The following ZNF177 variants were observed in gnomAD, a reference collection of about 807,000 sequenced individuals.
ZNF177 encodes zinc finger protein 177.
A neutral mutation model predicts 19.4 loss-of-function variants in ZNF177; 17 were observed. That is an observed-to-expected ratio of 0.87 (90% CI 0.60 to 1.31). The LOEUF (loss-of-function observed/expected upper bound fraction) is 1.31. ZNF177 is among the 40% of genes most tolerant of loss of function. The pLI, the probability that ZNF177 is intolerant of heterozygous loss-of-function variation, is 0.00. For synonymous variants in ZNF177, 220 were observed against 188.7 expected (o/e 1.17, Z -1.36); for missense variants, 633 against 561.8 (o/e 1.13, Z -1.28).
intron 2 of ZNF177, among the ~76,000 whole-genome samples, 173 bp from the exon 5 acceptor site, chr19:9,378,787 AAG>A (rs1395255221): frequency 6.6e-6 from 1 of 152,174 alleles, no homozygotes; most frequent in East Asian, 1.9e-4. Context: ...GTAGGATTTA[AAG>A]AGAGTTCTGA....
At chr19:9,381,741 C>G (rs768709458) in exon 6 of ZNF177, 1 of 1,606,798 alleles carries the variant, frequency 6.2e-7, no homozygotes, top group Admixed American at 1.7e-5. Flanking sequence ...TTATAATGCA[C>G]AAGCGAATCC....
intron 1 of ZNF177, among the ~76,000 whole-genome samples, chr19:9,364,527 G>GA (rs944541831): frequency 3.3e-5 from 5 of 152,110 alleles, no homozygotes; most frequent in Non-Finnish European, 7.4e-5. Flanking sequence ...GGGGAACAGG[G>GA]AGCTCTTCAG....
At chr19:9,378,767 G>A (rs1254467767) in intron 2 of ZNF177, 195 bp from the exon 5 acceptor site, 1 of 835,362 alleles carries the variant, frequency 1.2e-6, no homozygotes, top group Non-Finnish European at 1.7e-6. Context: ...TGAATGAGAT[G>A]GCCCAGGGAG....
chr19:9,366,261 G>A (rs528215615), intron 2 of ZNF177, among the ~76,000 whole-genome samples: 51 of 152,184 alleles, frequency 3.4e-4, no homozygotes, highest in South Asian at 8.3e-4. Context: ...GACTACAGGC[G>A]TGAGCCACCG....
intron 3 of ZNF177, 31 bp downstream of exon 5, chr19:9,379,119 A>C: frequency 1.3e-6 from 2 of 1,575,864 alleles, no homozygotes; most frequent in Non-Finnish European, 1.7e-6. Flanking sequence ...TCATTTGTTT[A>C]TGTAGCAAAT....
chr19:9,379,478 A>G, intron 3 of ZNF177, 49 bp from the exon 6 acceptor site: 2 of 1,585,888 alleles, frequency 1.3e-6, no homozygotes, highest in South Asian at 2.3e-5. Context: ...TTTGTGGAAT[A>G]TTTAATTCTC....
At chr19:9,382,212 C>T (rs2068213774), downstream of ZNF177, 2 of 405,040 alleles carry the variant, frequency 4.9e-6, no homozygotes, top group Non-Finnish European at 8.7e-6. Context: ...GGACAGTTTT[C>T]ACCCAGCTTC....
Position 9,379,030 on chromosome 19 carries a change from T to A in ZNF177, c.102T>A (p.Ala34=), listed in dbSNP as rs759517422. The A allele has an allele frequency of 2.5e-6, 4 of 1,611,088 alleles. No homozygotes were observed. The Admixed American group carries it at 5.0e-5, about 20-fold the overall frequency. ...AGGAGTGGGCATTGCTGGACCCTGC[T>A]CAAAAAAATCTATACAAAGATGTGA... Residue 34 remains alanine, a synonymous_variant, in exon 3 of 6, where the codon GCT becomes GCA. Coordinates refer to ENST00000589262, the Ensembl canonical transcript of ZNF177.
chr19:9,377,606 C>T (rs1355915021), intron 1 of ZNF177, among the ~76,000 whole-genome samples: 4 of 152,014 alleles, frequency 2.6e-5, no homozygotes, highest in Admixed American at 6.6e-5. Context: ...AAAGTAAAAT[C>T]GGGCAGGCAA....
chr19:9,381,227 T>C (rs1217259309), exon 6 of ZNF177: 8 of 1,614,044 alleles, frequency 5.0e-6, no homozygotes, highest in Admixed American at 1.7e-5. Flanking sequence ...CAGTCTTCCC[T>C]TAAGAAACAC....
At chr19:9,381,964 T>G (rs2039293493) in exon 6 of ZNF177, 1 of 858,836 alleles carries the variant, frequency 1.2e-6, no homozygotes, top group South Asian at 2.2e-5. Context: ...TATTTCATTC[T>G]TATATGTGTC....
upstream of ZNF177, among the ~76,000 whole-genome samples, chr19:9,373,297 G>A (rs1043501562): frequency 2.0e-5 from 3 of 152,102 alleles, no homozygotes; most frequent in Non-Finnish European, 4.4e-5. Context: ...TCTTTTTTAA[G>A]ACTGAATAAC....
exon 4 of ZNF177, chr19:9,379,530 A>G (rs2068159451): frequency 6.2e-7 from 1 of 1,613,494 alleles, no homozygotes; most frequent in Non-Finnish European, 8.5e-7. Context: ...TGAGCAGGGT[A>G]TCAGCTCTGC....
At chr19:9,377,675 G>A (rs891972326) in intron 1 of ZNF177, among the ~76,000 whole-genome samples, 8 of 137,772 alleles carry the variant, frequency 5.8e-5, no homozygotes, top group African/African-American at 2.3e-4. Flanking sequence ...TCTGCTATAA[G>A]ATTTGCAGCA....
chr19:9,378,306 G>A (rs1371536052), exon 2 of ZNF177: 1 of 1,613,656 alleles, frequency 6.2e-7, no homozygotes, highest in Non-Finnish European at 8.5e-7. Context: ...ACCTACAGGA[G>A]GAAGAATGGC....
chr19:9,380,751 A>T, exon 6 of ZNF177: 1 of 1,536,136 alleles, frequency 6.5e-7, no homozygotes, highest in Non-Finnish European at 8.7e-7. Flanking sequence ...TTTGTACAAG[A>T]TATTGCAAGG....
rs548446770 is a variant in ZNF177, at chr19:9,380,776, A to T, written c.445A>T (p.Lys149Ter). The T allele has an allele frequency of 4.4e-5, 68 of 1,536,142 alleles. No individual in the cohort carries two copies. Among genetic ancestry groups the T allele is most frequent in the Admixed American group, 2.7e-4 (14 of 51,008 alleles). The change falls in exon 6 of 6, where the codon AAA (lysine) becomes TAA (stop). Residue 149 changes from lysine to a stop codon, truncating the protein, a stop_gained. Transcript: ENST00000589262. LOFTEE classifies it low-confidence loss of function (END_TRUNC). ...ATATTGCAAGGGAGAGAAATGCTATAAATATATAAAGTATAGCAAAGTCTT... is the reference window on the plus strand; with the variant it reads ...ATATTGCAAGGGAGAGAAATGCTATTAATATATAAAGTATAGCAAAGTCTT...
intron 2 of ZNF177, among the ~76,000 whole-genome samples, chr19:9,367,923 A>G (rs2068001367): frequency 6.6e-6 from 1 of 152,214 alleles, no homozygotes; most frequent in African/African-American, 2.4e-5. Flanking sequence ...TAAGTTATCT[A>G]TACCTGAAAT....
At chr19:9,373,785 A>G (rs181483509), upstream of ZNF177, among the ~76,000 whole-genome samples, 1 of 151,312 alleles carries the variant, frequency 6.6e-6, no homozygotes, top group South Asian at 2.1e-4. Flanking sequence ...TTTTTATTCC[A>G]TTTTTTTCTA....
Sources: gnomAD v4.1 joint callset for allele counts (sites outside exome capture counted in the v4.1 genomes callset) on GRCh38, gnomAD v4.1.1 for gene constraint, MANE v1.5 for transcripts, NCBI Gene and HGNC (gene_info 2026-07-23, HGNC 2026-07-21) for gene names.